CREB5: variants seen among roughly 807,000 people sequenced by gnomAD.
The protein encoded by CREB5 is cyclic AMP-responsive element-binding protein 5.
CREB5 carries 19 observed loss-of-function variants against 57.1 expected under a neutral mutation model. The observed-to-expected ratio is 0.33, with a 90% CI of 0.23 to 0.49. CREB5 has a LOEUF of 0.49. Ranked by LOEUF, CREB5 falls within the 20% of genes least tolerant of loss-of-function variation. The probability of loss-of-function intolerance (pLI) is 0.99; values close to 1 mark genes in which losing one functional copy is unlikely to be tolerated. For missense variants in CREB5, 579 were observed against 671.6 expected, an observed-to-expected ratio of 0.86 and a Z score of 1.52; for synonymous variants, 238 against 238.3, an observed-to-expected ratio of 1.00 and a Z score of 0.01.
intron 5 of CREB5, among the ~76,000 whole-genome samples, chr7:28,717,886 A>T (rs1175675751): frequency 6.6e-6 from 1 of 152,190 alleles, no homozygotes; most frequent in Admixed American, 6.5e-5. Context: ...TTGAGAATTT[A>T]TGTGGGGAGG....
intron 1 of CREB5, among the ~76,000 whole-genome samples, chr7:28,349,945 TA>T (rs1231322520): frequency 2.6e-5 from 4 of 152,242 alleles, no homozygotes; most frequent in Non-Finnish European, 5.9e-5. Context: ...ATTCTAATTT[TA>T]TTTGCAGTTG....
rs1429602296 is a variant in CREB5, at chr7:28,737,565, A to G, written c.702+13233A>G. On this transcript the variant is annotated intron_variant, in intron 7 of 10. Coordinates refer to ENST00000357727, the MANE Select transcript of CREB5 (RefSeq NM_182898.4). ...TATATATATATATATATATATATAT[A>G]TATATATATATATATATATATATTT... is the stretch of plus-strand genomic sequence containing the variant. Among the ~76,000 whole-genome samples, 36 of 110,402 alleles carry G rather than the reference A, an allele frequency of 3.3e-4. No individual in the cohort carries two copies. The South Asian group carries it at 7.2e-3, about 22-fold the overall frequency. The allele number at this position is 110,402 out of a possible 152,430, so 72.4% of individuals were successfully genotyped here.
intron 1 of CREB5, among the ~76,000 whole-genome samples, chr7:28,345,864 G>A (rs1352619822): frequency 2.0e-5 from 3 of 152,246 alleles, no homozygotes; most frequent in Non-Finnish European, 4.4e-5. Flanking sequence ...CACAGGGAGT[G>A]CTGGTGATGA....
intron 1 of CREB5, among the ~76,000 whole-genome samples, chr7:28,386,133 C>T (rs372607098): frequency 2.0e-5 from 3 of 152,224 alleles, no homozygotes; most frequent in South Asian, 4.1e-4. Flanking sequence ...CCTACTTATT[C>T]GCATTTTCTT....
At chr7:28,570,344 C>G in intron 4 of CREB5, 21 bp from the exon 5 acceptor site, 1 of 1,601,758 alleles carries the variant, frequency 6.2e-7, no homozygotes, top group African/African-American at 1.3e-5. Context: ...CTGACCTTTC[C>G]CCTGTGTCTT....
At chr7:28,769,362 G>T (rs1032505240) in intron 7 of CREB5, among the ~76,000 whole-genome samples, 5 of 152,136 alleles carry the variant, frequency 3.3e-5, no homozygotes, top group African/African-American at 9.7e-5. Context: ...TTAACACAAA[G>T]AAATGAATGT....
chr7:28,354,206 C>A (rs1554305969), intron 1 of CREB5, among the ~76,000 whole-genome samples: 1 of 152,108 alleles, frequency 6.6e-6, no homozygotes, highest in Non-Finnish European at 1.5e-5. Flanking sequence ...TTGAAGGATG[C>A]AAAGTATTGA....
chr7:28,696,838 G>A (rs975934864), intron 5 of CREB5, among the ~76,000 whole-genome samples: 3 of 150,092 alleles, frequency 2.0e-5, no homozygotes, highest in African/African-American at 4.9e-5. Context: ...ATACACATAC[G>A]TATATATACA....
At position 28,825,719 on chromosome 7, in the gene CREB5, T is replaced by C. The variant is rs1810023598; in HGVS notation, c.*6440T>C. The C allele has an allele frequency of 6.5e-6, 1 of 152,676 alleles. No individual in the cohort carries two copies. 9.5% of individuals were successfully genotyped at this position (152,676 alleles called of 1,614,324 possible). ...ATATGTTTAATTTTGTGTTAAGCTTTTTGTTGCATCGTGAACACATTTATT... is the reference window on the plus strand; with the variant it reads ...ATATGTTTAATTTTGTGTTAAGCTTCTTGTTGCATCGTGAACACATTTATT... On this transcript the variant is annotated 3_prime_UTR_variant, in exon 11 of 11. Transcript: ENST00000357727.
At chr7:28,308,825 G>T (rs535026205) in intron 1 of CREB5, among the ~76,000 whole-genome samples, 1 of 152,162 alleles carries the variant, frequency 6.6e-6, no homozygotes, top group Non-Finnish European at 1.5e-5. Context: ...GTCCCTGATG[G>T]TTAATTTTAT....
At chr7:28,319,129 G>A (rs962183752) in intron 1 of CREB5, among the ~76,000 whole-genome samples, 7 of 152,148 alleles carry the variant, frequency 4.6e-5, no homozygotes, top group African/African-American at 1.7e-4. Flanking sequence ...TCCCCAGCTT[G>A]AGAAGGAGAG....
intron 5 of CREB5, among the ~76,000 whole-genome samples, chr7:28,706,073 A>T (rs1408054285): frequency 1.3e-5 from 2 of 152,196 alleles, no homozygotes. Flanking sequence ...AAAAATCTTC[A>T]GCCGGGTGCA....
At chr7:28,456,939 AT>A (rs1199499967) in intron 1 of CREB5, among the ~76,000 whole-genome samples, 1 of 152,172 alleles carries the variant, frequency 6.6e-6, no homozygotes, top group Non-Finnish European at 1.5e-5. Flanking sequence ...ATAAAGAAAG[AT>A]TTAGTTGGTT....
intron 1 of CREB5, among the ~76,000 whole-genome samples, chr7:28,351,624 CT>C (rs1240467950): frequency 1.3e-5 from 2 of 152,154 alleles, no homozygotes; most frequent in Admixed American, 6.5e-5. Flanking sequence ...CTATGAACAT[CT>C]GTTTCCCAGA....
At chr7:28,363,648 T>G (rs1272178319) in intron 1 of CREB5, among the ~76,000 whole-genome samples, 1 of 152,004 alleles carries the variant, frequency 6.6e-6, no homozygotes, top group East Asian at 1.9e-4. Context: ...ATACTCATTT[T>G]TGTATCCTCC....
chr7:28,790,806 G>A lies in CREB5; in HGVS notation c.703-13393G>A, dbSNP rs191702547. Among the ~76,000 whole-genome samples, 227 of 152,330 alleles carry A rather than the reference G, an allele frequency of 1.5e-3. 1 individual carries two copies. The highest frequency in any genetic ancestry group is 5.2e-3 in the African/African-American group (217 of 41,574). The stretch of plus-strand genomic sequence containing the variant: ...AGACACAAATATGCTCCTTAAGCAT[G>A]ATGCTGTTCGTATTAAGTCAGGCTG... On this transcript the variant is annotated intron_variant, in intron 7 of 10. Coordinates refer to ENST00000357727, the MANE Select transcript of CREB5 (RefSeq NM_182898.4).
At chr7:28,459,567 C>T (rs895584133) in intron 1 of CREB5, among the ~76,000 whole-genome samples, 1 of 152,172 alleles carries the variant, frequency 6.6e-6, no homozygotes, top group Non-Finnish European at 1.5e-5. Context: ...TTCTGCACTC[C>T]AGCCTCTCCC....
chr7:28,804,072 G>C (rs1406505715), intron 7 of CREB5, 127 bp from the exon 8 acceptor site: 1 of 816,362 alleles, frequency 1.2e-6, no homozygotes, highest in African/African-American at 1.7e-5. Context: ...ATAGCTACTG[G>C]TAGGAAACAT....
rs1455104626 is a variant in CREB5, at chr7:28,819,364, G to T, written c.*85G>T. ...TAAGGGCATTTTTAGAATTAACTCAGACCTGGAAGACTCCTCAGTTCTTCA... is the reference window on the plus strand; with the variant it reads ...TAAGGGCATTTTTAGAATTAACTCATACCTGGAAGACTCCTCAGTTCTTCA... On this transcript the variant is annotated 3_prime_UTR_variant, in exon 11 of 11. Coordinates refer to ENST00000357727, the MANE Select transcript of CREB5 (RefSeq NM_182898.4). 7.5e-7 allele frequency: 1 copy of T among 1,328,542 alleles called. No homozygotes were observed. Among genetic ancestry groups the T allele is most frequent in the African/African-American group, 1.5e-5 (1 of 67,786 alleles). The allele number at this position is 1,328,542 out of a possible 1,614,324, so 82.3% of individuals were successfully genotyped here.
Sources: allele counts gnomAD v4.1 joint callset (sites outside exome capture counted in the v4.1 genomes callset), GRCh38; gene constraint gnomAD v4.1.1; transcripts MANE v1.5; gene names NCBI Gene and HGNC (gene_info 2026-07-23, HGNC 2026-07-21).